The following TBCE variants were observed in gnomAD, a reference collection of about 807,000 sequenced individuals.
TBCE encodes tubulin-specific chaperone E.
In TBCE, 53 loss-of-function variants were observed where a neutral mutation model predicts 77.0. The ratio of observed to expected loss-of-function variants is 0.69; its 90% CI spans 0.55 to 0.87. TBCE has a LOEUF of 0.87. Among genes scored for constraint, TBCE ranks in the 40% least tolerant of loss-of-function variants. TBCE has a pLI of 0.00. For missense variants in TBCE, 624 were observed against 622.4 expected, an observed-to-expected ratio of 1.00 and a Z score of -0.03; for synonymous variants, 235 against 241.3, an observed-to-expected ratio of 0.97 and a Z score of 0.24.
chr1:235,425,616 C>T lies in TBCE; in HGVS notation c.461-1524C>T, dbSNP rs142568985. ...CGTTTCAAGCAAACTTTGAAAAGTC[C>T]GTTTCAAACAGACTTTGAAGTGGCC... On this transcript the variant is annotated intron_variant, in intron 5 of 16. Transcript: ENST00000642610. 1.9e-3 allele frequency among the ~76,000 whole-genome samples: 291 copies of T among 152,248 alleles called. 1 individual carries two copies. The highest frequency in any genetic ancestry group is 6.8e-3 in the African/African-American group (281 of 41,544).
chr1:235,443,915 A>T lies in TBCE; in HGVS notation c.1399+1004A>T, dbSNP rs184316308. Among the ~76,000 whole-genome samples, 561 of 152,336 alleles carry T rather than the reference A, an allele frequency of 3.7e-3. 4 individuals are homozygous for T. Among genetic ancestry groups the T allele is most frequent in the African/African-American group, 0.013 (538 of 41,562 alleles). On this transcript the variant is annotated intron_variant, in intron 15 of 16. Transcript: ENST00000642610. ...AAACTTTCACTCAAAAGAAAAATGA[A>T]ATTATAGTCTATTTTTGAGTATGCC...
intron 2 of TBCE, among the ~76,000 whole-genome samples, chr1:235,395,541 T>C (rs1678671472): frequency 6.7e-6 from 1 of 148,290 alleles, no homozygotes; most frequent in Non-Finnish European, 1.5e-5. Flanking sequence ...TTCTACTTCT[T>C]CTTCTTCTTT....
intron 2 of TBCE, among the ~76,000 whole-genome samples, chr1:235,394,902 C>G (rs1294399258): frequency 1.3e-5 from 2 of 151,942 alleles, no homozygotes; most frequent in Non-Finnish European, 2.9e-5. Flanking sequence ...ACAAGGTCTT[C>G]CTATGGCGCC....
chr1:235,448,662 A>AATT lies in TBCE; in HGVS notation c.1492-7_1492-5dup. 1.9e-6 allele frequency: 3 copies of AATT among 1,611,960 alleles called. No individual in the cohort carries two copies. Among genetic ancestry groups the AATT allele is most frequent in the Non-Finnish European group, 2.5e-6 (3 of 1,178,086 alleles). ...TCACATCCTTCCCCACCTTCGTTCT[A>AATT]ATTTTAGAAGCCGGGCAGAGAAATC... On this transcript the variant is annotated splice_polypyrimidine_tract_variant and splice_region_variant and intron_variant, in intron 16 of 16. Coordinates refer to ENST00000642610, the MANE Select transcript of TBCE (RefSeq NM_003193.5).
chr1:235,424,309 G>GGATCTTA (rs1275446282), intron 5 of TBCE, among the ~76,000 whole-genome samples: 2 of 151,148 alleles, frequency 1.3e-5, no homozygotes, highest in African/African-American at 4.9e-5. Flanking sequence ...TGTTATTACT[G>GGATCTTA]GATCTTAGAG....
At chr1:235,369,062 G>A (rs6656673) in intron 1 of TBCE, among the ~76,000 whole-genome samples, 111,243 of 151,924 alleles carry the variant, frequency 0.73, 42,080 homozygotes, top group African/African-American at 0.93. Context: ...TTCAAGTTAC[G>A]TTGTCTCGTA....
chr1:235,411,436 G>C lies in TBCE; in HGVS notation c.186-2997G>C, dbSNP rs375394456. On this transcript the variant is annotated intron_variant, in intron 3 of 16. Coordinates refer to ENST00000642610, the MANE Select transcript of TBCE (RefSeq NM_003193.5). The stretch of plus-strand genomic sequence containing the variant: ...GCTGCAGACTATTTCCTTTGGGTTG[G>C]GGGGCGGGTCCCCTCAGTGTCCTCC... 1.1e-4 allele frequency among the ~76,000 whole-genome samples: 17 copies of C among 151,680 alleles called. 1 individual carries two copies. The South Asian group carries it at 2.9e-3, about 26-fold the overall frequency.
At position 235,448,979 on chromosome 1, in the gene TBCE, A is replaced by T. The variant is rs1682702719; in HGVS notation, c.*217A>T. On this transcript the variant is annotated 3_prime_UTR_variant, in exon 17 of 17. Transcript: ENST00000642610. ...CTTTGAACCTACTAATGATTTTCTGATCTTATTTCATATTTATTTTTACAG... is the reference window on the plus strand; with the variant it reads ...CTTTGAACCTACTAATGATTTTCTGTTCTTATTTCATATTTATTTTTACAG... The T allele has an allele frequency of 6.4e-6, 3 of 466,896 alleles. No individual in the cohort carries two copies. Among genetic ancestry groups the T allele is most frequent in the Non-Finnish European group, 1.2e-5 (3 of 254,302 alleles). 28.9% of individuals were successfully genotyped at this position (466,896 alleles called of 1,614,324 possible). A position where few individuals can be genotyped will look rare whatever the true frequency, so the allele number is the denominator to read the frequency against.
chr1:235,443,038 T>A, intron 15 of TBCE, 127 bp downstream of exon 15: 1 of 884,474 alleles, frequency 1.1e-6, no homozygotes, highest in Non-Finnish European at 1.8e-6. Flanking sequence ...TTTTCATTAG[T>A]CTTTTATATT....
chr1:235,451,748 G>A lies in TBCE; in HGVS notation c.*2986G>A, dbSNP rs1682913186. ...GGCTTCTAACTGACAGACACTGCAT[G>A]TGCCTTCTGTCCCCTGCACCTTCGA... On this transcript the variant is annotated 3_prime_UTR_variant, in exon 17 of 17. Transcript: ENST00000642610. 2 of 152,178 alleles carry A rather than the reference G, an allele frequency of 1.3e-5. No individual in the cohort carries two copies. Among genetic ancestry groups the A allele is most frequent in the South Asian group, 2.1e-4 (1 of 4,836 alleles). The allele number at this position is 152,178 out of a possible 1,614,324, so 9.4% of individuals were successfully genotyped here. A position where few individuals can be genotyped will look rare whatever the true frequency, so the allele number is the denominator to read the frequency against.
chr1:235,424,218 A>C (rs370691112), intron 5 of TBCE, among the ~76,000 whole-genome samples: 6 of 152,046 alleles, frequency 3.9e-5, no homozygotes, highest in East Asian at 1.9e-4. Context: ...AGAAAGCAAA[A>C]CAACCCAGCA....
At position 235,378,087 on chromosome 1, in the gene TBCE, A is replaced by G. The variant is rs183859870; in HGVS notation, c.-31-1932A>G. On this transcript the variant is annotated intron_variant, in intron 1 of 16. Coordinates refer to ENST00000642610, the MANE Select transcript of TBCE (RefSeq NM_003193.5). ...CTAACCCCAGATGGCATGTAACAGC[A>G]TATGTTTTTTCTTTTGTTTTGTACA... is the stretch of plus-strand genomic sequence containing the variant. Among the ~76,000 whole-genome samples, 173 of 152,320 alleles carry G rather than the reference A, an allele frequency of 1.1e-3. 2 individuals carry two copies. The highest frequency in any genetic ancestry group is 3.8e-3 in the African/African-American group (158 of 41,586).
At chr1:235,426,295 CA>C (rs1273258563) in intron 5 of TBCE, among the ~76,000 whole-genome samples, 11 of 152,142 alleles carry the variant, frequency 7.2e-5, no homozygotes, top group African/African-American at 1.7e-4. Context: ...ATCCCTGTAT[CA>C]GGGGCAGTTG....
intron 1 of TBCE, among the ~76,000 whole-genome samples, chr1:235,372,790 G>A (rs1016692303): frequency 1.1e-4 from 16 of 152,086 alleles, no homozygotes; most frequent in Non-Finnish European, 1.9e-4. Context: ...CGGGCGTGGT[G>A]GTGGGTGCCT....
At chr1:235,434,028 T>G in intron 7 of TBCE, 176 bp from the exon 8 acceptor site, 198 of 611,140 alleles carry the variant, frequency 3.2e-4, no homozygotes, top group East Asian at 1.1e-3. Context: ...CCCCTTAACA[T>G]TTTATTTATC....
chr1:235,448,536 G>A lies in TBCE; in HGVS notation c.1491+96G>A, dbSNP rs1682636086. On this transcript the variant is annotated intron_variant, in intron 16 of 16. Transcript: ENST00000642610. ...AGATAGCAACAGTTTGATTCTAAAT[G>A]GAGACCATGGGTCTGTTTGTTTGAT... 7 of 1,398,052 alleles carry A rather than the reference G, an allele frequency of 5.0e-6. 1 individual carries two copies. The Middle Eastern group carries it at 7.1e-4, about 142-fold the overall frequency. The allele number at this position is 1,398,052 out of a possible 1,614,324, so 86.6% of individuals were successfully genotyped here. A position where few individuals can be genotyped will look rare whatever the true frequency, so the allele number is the denominator to read the frequency against.
At chr1:235,443,376 A>AT (rs56727590) in intron 15 of TBCE, among the ~76,000 whole-genome samples, 1 of 151,842 alleles carries the variant, frequency 6.6e-6, no homozygotes, top group Non-Finnish European at 1.5e-5. Flanking sequence ...TAATTTTTGT[A>AT]TTTTTTGTAG....
chr1:235,433,178 C>A, intron 7 of TBCE: 2 of 1,320,568 alleles, frequency 1.5e-6, no homozygotes, highest in South Asian at 4.1e-5. Flanking sequence ...ATGGGTGAGT[C>A]AGATGATTCC....
chr1:235,403,049 GT>G (rs768014609), intron 3 of TBCE, among the ~76,000 whole-genome samples: 6 of 152,110 alleles, frequency 3.9e-5, no homozygotes, highest in Non-Finnish European at 8.8e-5. Flanking sequence ...ATTTTAGAAA[GT>G]CAGGGTGTTC....
Sources: gnomAD v4.1 joint callset for allele counts (sites outside exome capture counted in the v4.1 genomes callset) on GRCh38, gnomAD v4.1.1 for gene constraint, MANE v1.5 for transcripts, NCBI Gene and HGNC (gene_info 2026-07-23, HGNC 2026-07-21) for gene names.